NCAM2: variants seen among roughly 807,000 people sequenced by gnomAD.
NCAM2 encodes neural cell adhesion molecule 2.
A neutral mutation model predicts 98.1 loss-of-function variants in NCAM2; 30 were observed. The ratio of observed to expected loss-of-function variants is 0.31; its 90% CI spans 0.23 to 0.41. The LOEUF (loss-of-function observed/expected upper bound fraction) is 0.41. NCAM2 is among the 10% of genes least tolerant of loss of function. The pLI, the probability that NCAM2 is intolerant of heterozygous loss-of-function variation, is 1.00. For missense variants in NCAM2, 867 were observed against 1,005.8 expected, an observed-to-expected ratio of 0.86 and a Z score of 1.87; for synonymous variants, 368 against 342.4, an observed-to-expected ratio of 1.07 and a Z score of -0.83.
intron 1 of NCAM2, among the ~76,000 whole-genome samples, chr21:21,155,500 C>T (rs2067583076): frequency 6.6e-6 from 1 of 151,682 alleles, no homozygotes; most frequent in African/African-American, 2.4e-5. Context: ...CATGATTATT[C>T]ATCACATCAC....
intron 1 of NCAM2, among the ~76,000 whole-genome samples, chr21:21,004,489 T>C (rs1455698353): frequency 6.6e-6 from 1 of 152,202 alleles, no homozygotes; most frequent in Non-Finnish European, 1.5e-5. Flanking sequence ...ATTTTTGATA[T>C]ATTGTTGATT....
chr21:21,089,201 T>C (rs1288797420), intron 1 of NCAM2, among the ~76,000 whole-genome samples: 1 of 152,198 alleles, frequency 6.6e-6, no homozygotes, highest in Non-Finnish European at 1.5e-5. Flanking sequence ...TTTGAAAATA[T>C]GATTAAAAAA....
chr21:21,126,325 C>T (rs953017013), intron 1 of NCAM2, among the ~76,000 whole-genome samples: 2 of 149,796 alleles, frequency 1.3e-5, no homozygotes, highest in African/African-American at 4.9e-5. Flanking sequence ...GTATGGTCCA[C>T]TTCTCAGATT....
chr21:21,420,525 A>G (rs2077090371), intron 11 of NCAM2, among the ~76,000 whole-genome samples: 1 of 152,044 alleles, frequency 6.6e-6, no homozygotes, highest in Non-Finnish European at 1.5e-5. Context: ...CTGTAAAGAA[A>G]TTTTATAACC....
intron 9 of NCAM2, among the ~76,000 whole-genome samples, chr21:21,402,386 C>G (rs984982254): frequency 6.6e-6 from 1 of 152,096 alleles, no homozygotes; most frequent in Non-Finnish European, 1.5e-5. Context: ...GCCCTGGAGT[C>G]CTGCAGTACC....
chr21:21,516,943 C>A (rs1988747972), intron 16 of NCAM2, among the ~76,000 whole-genome samples: 1 of 152,146 alleles, frequency 6.6e-6, no homozygotes, highest in Admixed American at 6.5e-5. Flanking sequence ...TCCCATAACT[C>A]CAAATATCAC....
At chr21:21,040,981 C>A (rs1305805197) in intron 1 of NCAM2, among the ~76,000 whole-genome samples, 2 of 152,018 alleles carry the variant, frequency 1.3e-5, no homozygotes, top group Non-Finnish European at 2.9e-5. Context: ...ATGCAAATAA[C>A]CCTTATTTCA....
chr21:21,413,622 ATAGTC>A (rs371941123), intron 10 of NCAM2, among the ~76,000 whole-genome samples: 35 of 152,228 alleles, frequency 2.3e-4, no homozygotes, highest in African/African-American at 8.4e-4. Context: ...TGTTGGCACT[ATAGTC>A]TATTAAGTGT....
At chr21:21,410,242 G>T (rs1392290391) in intron 9 of NCAM2, 32 bp from the exon 10 acceptor site, 1 of 1,161,128 alleles carries the variant, frequency 8.6e-7, no homozygotes, top group Non-Finnish European at 1.2e-6. Context: ...TAAAGAAAAT[G>T]CCTATAATTA....
At chr21:21,523,831 A>G (rs563687896) in intron 16 of NCAM2, among the ~76,000 whole-genome samples, 6 of 152,084 alleles carry the variant, frequency 3.9e-5, no homozygotes, top group Non-Finnish European at 5.9e-5. Context: ...AAAATGCTCA[A>G]TTGAAATCGC....
chr21:21,173,841 T>A (rs1201149254), intron 1 of NCAM2, among the ~76,000 whole-genome samples: 1 of 152,176 alleles, frequency 6.6e-6, no homozygotes, highest in East Asian at 1.9e-4. Context: ...AAAGATTCTG[T>A]GTGGCATAAT....
chr21:21,160,231 A>G (rs913262247), intron 1 of NCAM2, among the ~76,000 whole-genome samples: 3 of 152,094 alleles, frequency 2.0e-5, no homozygotes, highest in African/African-American at 7.2e-5. Context: ...AAGATAATGA[A>G]TGAATGTTTG....
chr21:21,151,684 C>A (rs1324777444), intron 1 of NCAM2, among the ~76,000 whole-genome samples: 2 of 151,976 alleles, frequency 1.3e-5, no homozygotes, highest in Non-Finnish European at 2.9e-5. Flanking sequence ...TATATCTAAT[C>A]ATGTTGTAAT....
chr21:21,018,819 A>T (rs922081784), intron 1 of NCAM2, among the ~76,000 whole-genome samples: 10 of 145,372 alleles, frequency 6.9e-5, no homozygotes, highest in African/African-American at 2.0e-4. Flanking sequence ...TAGCAGGTTT[A>T]TGGTTTTATG....
chr21:21,073,228 A>G (rs1314654125), intron 1 of NCAM2, among the ~76,000 whole-genome samples: 2 of 152,162 alleles, frequency 1.3e-5, no homozygotes, highest in Non-Finnish European at 2.9e-5. Flanking sequence ...CTATTGATGG[A>G]CACACTTATA....
At chr21:21,344,359 C>A (rs2075130789) in intron 8 of NCAM2, among the ~76,000 whole-genome samples, 1 of 152,088 alleles carries the variant, frequency 6.6e-6, no homozygotes, top group Non-Finnish European at 1.5e-5. Flanking sequence ...AATCCAGGAC[C>A]TTACTCTTGC....
chr21:21,277,167 A>T (rs1426296560), intron 1 of NCAM2, among the ~76,000 whole-genome samples: 1 of 152,096 alleles, frequency 6.6e-6, no homozygotes, highest in Non-Finnish European at 1.5e-5. Flanking sequence ...TTCCAAAATT[A>T]TATGTTGTCA....
At chr21:21,360,093 A>G (rs1759777391) in intron 8 of NCAM2, among the ~76,000 whole-genome samples, 1 of 152,058 alleles carries the variant, frequency 6.6e-6, no homozygotes, top group Admixed American at 6.6e-5. Context: ...CATTTGATGA[A>G]TTTCATTGTT....
intron 12 of NCAM2, among the ~76,000 whole-genome samples, chr21:21,458,892 C>T (rs1047641771): frequency 2.6e-5 from 4 of 152,064 alleles, no homozygotes; most frequent in Non-Finnish European, 5.9e-5. Flanking sequence ...AAGGAAACAA[C>T]CAACAGAGCG....
Sources: gnomAD v4.1 joint callset for allele counts (sites outside exome capture counted in the v4.1 genomes callset) on GRCh38, gnomAD v4.1.1 for gene constraint, MANE v1.5 for transcripts, NCBI Gene and HGNC (gene_info 2026-07-23, HGNC 2026-07-21) for gene names.